Variants in GPC6 observed in about 807,000 individuals in gnomAD.
GPC6 encodes the protein glypican 6.
In GPC6, 14 loss-of-function variants were observed where a neutral mutation model predicts 55.2. The observed-to-expected ratio is 0.25, with a 90% CI of 0.17 to 0.40. The LOEUF is 0.40. GPC6 is among the 10% of genes least tolerant of loss of function. The probability of loss-of-function intolerance (pLI) is 1.00; values close to 1 mark genes in which losing one functional copy is unlikely to be tolerated. For synonymous variants in GPC6, 278 were observed against 259.6 expected (o/e 1.07, Z -0.68); for missense variants, 641 against 708.5 (o/e 0.90, Z 1.08).
At chr13:93,251,337 T>C (rs1876780441) in intron 1 of GPC6, among the ~76,000 whole-genome samples, 1 of 152,184 alleles carries the variant, frequency 6.6e-6, no homozygotes, top group Non-Finnish European at 1.5e-5. Flanking sequence ...AGAGATGATG[T>C]AACAGACCCT....
intron 4 of GPC6, among the ~76,000 whole-genome samples, chr13:94,124,760 G>A (rs1886749466): frequency 6.6e-6 from 1 of 152,082 alleles, no homozygotes; most frequent in Non-Finnish European, 1.5e-5. Context: ...GAGATTGAAA[G>A]CAAGGACACA....
chr13:93,930,995 A>G (rs151281679), intron 3 of GPC6, among the ~76,000 whole-genome samples: 1 of 152,096 alleles, frequency 6.6e-6, no homozygotes, highest in East Asian at 1.9e-4. Context: ...GGTGCTATAC[A>G]CTTTTAAACA....
chr13:93,349,001 G>C (rs775217205), intron 1 of GPC6, among the ~76,000 whole-genome samples: 1 of 152,150 alleles, frequency 6.6e-6, no homozygotes, highest in Non-Finnish European at 1.5e-5. Context: ...CACCATCAAA[G>C]CATTAGCCCC....
intron 4 of GPC6, among the ~76,000 whole-genome samples, chr13:94,081,224 CA>C (rs1885085543): frequency 6.6e-6 from 1 of 152,182 alleles, no homozygotes; most frequent in African/African-American, 2.4e-5. Flanking sequence ...GCCAACCATT[CA>C]ATTCATTTCT....
At chr13:93,664,233 T>C (rs1460348095) in intron 2 of GPC6, among the ~76,000 whole-genome samples, 1 of 152,208 alleles carries the variant, frequency 6.6e-6, no homozygotes, top group Non-Finnish European at 1.5e-5. Flanking sequence ...ACTCCATATA[T>C]AGTAATCACC....
In GPC6 at chr13:93,678,766, T is replaced by C. The variant is rs116874046; in HGVS notation, c.319+133345T>C. 1.2e-4 allele frequency among the ~76,000 whole-genome samples: 18 copies of C among 152,262 alleles called. No individual in the cohort carries two copies. In the East Asian group the frequency reaches 2.5e-3, roughly 21 times the overall value. ...ATTATCACATGACTCACACACCAGA[T>C]TTAAGGTGGAACGGAGCTCAGTGGG... On this transcript the variant is annotated intron_variant, in intron 2 of 8. Transcript: ENST00000377047.
chr13:93,425,455 T>G (rs1298022188), intron 1 of GPC6, among the ~76,000 whole-genome samples: 5 of 152,150 alleles, frequency 3.3e-5, no homozygotes, highest in Non-Finnish European at 1.5e-5. Context: ...AGCTGGAAGC[T>G]GGCATCAGGC....
rs1555336176 is a variant in GPC6 at position 93,231,422 on chromosome 13, T to TAC, written c.160+3807_160+3808dup. 1.7e-3 allele frequency among the ~76,000 whole-genome samples: 85 copies of TAC among 49,968 alleles called. 1 individual carries two copies. The highest frequency in any genetic ancestry group is 2.6e-3 in the Non-Finnish European group (70 of 26,678). The allele number at this position is 49,968 out of a possible 152,430, so 32.8% of individuals were successfully genotyped here. A position where few individuals can be genotyped will look rare whatever the true frequency, so the allele number is the denominator to read the frequency against. ...GTATATATATATATATATATATATA[T>TAC]ACGTATATATATATATATAGTCTGG... On this transcript the variant is annotated intron_variant, in intron 1 of 8. Transcript: ENST00000377047.
intron 1 of GPC6, among the ~76,000 whole-genome samples, chr13:93,244,044 T>C (rs1876522483): frequency 6.6e-6 from 1 of 152,000 alleles, no homozygotes; most frequent in South Asian, 2.1e-4. Context: ...GGTCAGGCAG[T>C]CCCGTGCTTT....
chr13:94,184,968 A>G (rs1052694235), intron 4 of GPC6, among the ~76,000 whole-genome samples: 1 of 152,228 alleles, frequency 6.6e-6, no homozygotes, highest in Non-Finnish European at 1.5e-5. Flanking sequence ...ACCATAAAAA[A>G]GAATGAAATC....
At chr13:93,218,168 C>G in the GPC6 span, among the ~76,000 whole-genome samples, 1 of 142,436 alleles carries the variant, frequency 7.0e-6, no homozygotes, top group African/African-American at 2.6e-5. Flanking sequence ...GATTTGCTTT[C>G]TCACAAACAT....
At chr13:93,763,071 A>G (rs1159953190) in intron 2 of GPC6, among the ~76,000 whole-genome samples, 1 of 152,148 alleles carries the variant, frequency 6.6e-6, no homozygotes, top group Admixed American at 6.5e-5. Context: ...TTATTTCCCA[A>G]ATTCTCCGTT....
At chr13:93,928,769 A>G (rs1002060089) in intron 3 of GPC6, among the ~76,000 whole-genome samples, 14 of 151,860 alleles carry the variant, frequency 9.2e-5, no homozygotes, top group African/African-American at 2.4e-4. Context: ...TAAGAAATGG[A>G]GATTTATTTT....
chr13:94,082,395 T>G (rs1885132781), intron 4 of GPC6, among the ~76,000 whole-genome samples: 1 of 152,150 alleles, frequency 6.6e-6, no homozygotes, highest in South Asian at 2.1e-4. Flanking sequence ...CAATCCAAAC[T>G]TATTTCTTTC....
intron 1 of GPC6, among the ~76,000 whole-genome samples, chr13:93,493,909 C>T (rs7399390): frequency 1.0e-5 from 1 of 98,778 alleles, no homozygotes; most frequent in African/African-American, 3.9e-5. Context: ...AATTTCTGTT[C>T]TTTTACATTT....
chr13:93,756,547 C>G lies in GPC6; in HGVS notation c.320-73607C>G, dbSNP rs539706510. Among the ~76,000 whole-genome samples, 84 of 152,202 alleles carry G rather than the reference C, an allele frequency of 5.5e-4. 1 individual carries two copies. Among genetic ancestry groups the G allele is most frequent in the African/African-American group, 2.0e-3 (81 of 41,534 alleles). On this transcript the variant is annotated intron_variant, in intron 2 of 8. Coordinates refer to ENST00000377047, the MANE Select transcript of GPC6 (RefSeq NM_005708.5). ...TACTTTTAATTACTCTATTTGTGTG[C>G]CTGCTGGATACTGGGGTGTTATGTT... is the stretch of plus-strand genomic sequence containing the variant.
chr13:93,614,636 C>A (rs1216875824), intron 2 of GPC6, among the ~76,000 whole-genome samples: 1 of 152,028 alleles, frequency 6.6e-6, no homozygotes, highest in African/African-American at 2.4e-5. Context: ...GTAACTAAAA[C>A]AGTATAGTAT....
At chr13:94,081,294 A>C (rs187253393) in intron 4 of GPC6, among the ~76,000 whole-genome samples, 66 of 152,302 alleles carry the variant, frequency 4.3e-4, no homozygotes, top group African/African-American at 1.4e-3. Flanking sequence ...ACCACCATTT[A>C]ATTGTCAATG....
Position 93,357,379 on chromosome 13 carries a change from T to A in GPC6, c.160+129763T>A, listed in dbSNP as rs565672847. 2.9e-4 allele frequency among the ~76,000 whole-genome samples: 44 copies of A among 151,398 alleles called. No homozygotes were observed. In the South Asian group the frequency reaches 9.1e-3, roughly 31 times the overall value. On this transcript the variant is annotated intron_variant, in intron 1 of 8. Coordinates refer to ENST00000377047, the MANE Select transcript of GPC6 (RefSeq NM_005708.5). ...TTATTCAGAACTGTAATTAAATTTG[T>A]TTTTTATTATCTGCTATTGAGTTAT...
Sources: gnomAD v4.1 joint callset for allele counts (sites outside exome capture counted in the v4.1 genomes callset) on GRCh38, gnomAD v4.1.1 for gene constraint, MANE v1.5 for transcripts, NCBI Gene and HGNC (gene_info 2026-07-23, HGNC 2026-07-21) for gene names.